Variants in GALNT17 observed in about 807,000 individuals in gnomAD.
GALNT17 encodes the protein polypeptide N-acetylgalactosaminyltransferase 17.
Under a neutral mutation model 63.7 loss-of-function variants are expected in GALNT17, and 29 were observed. The observed-to-expected ratio is 0.46, with a 90% CI of 0.34 to 0.62. The LOEUF (loss-of-function observed/expected upper bound fraction) is 0.62. GALNT17 is among the 20% of genes least tolerant of loss of function. The pLI, the probability that GALNT17 is intolerant of heterozygous loss-of-function variation, is 0.01. For synonymous variants in GALNT17, 305 were observed against 318.3 expected (o/e 0.96, Z 0.45); for missense variants, 603 against 799.6 (o/e 0.75, Z 2.97).
intron 5 of GALNT17, among the ~76,000 whole-genome samples, chr7:71,426,002 C>T (rs566748777): frequency 2.0e-5 from 3 of 152,198 alleles, no homozygotes; most frequent in Admixed American, 6.5e-5. Flanking sequence ...GAGAAGGTGC[C>T]ACACACTTGT....
intron 6 of GALNT17, among the ~76,000 whole-genome samples, chr7:71,644,083 T>C (rs1486653743): frequency 6.6e-6 from 1 of 152,068 alleles, no homozygotes; most frequent in Non-Finnish European, 1.5e-5. Context: ...CTAATATTTA[T>C]AAAAGAATAG....
intron 2 of GALNT17, among the ~76,000 whole-genome samples, chr7:71,341,161 G>A (rs2116125072): frequency 6.6e-6 from 1 of 152,266 alleles, no homozygotes; most frequent in East Asian, 1.9e-4. Context: ...TCCAGCTTGG[G>A]CAACATAGCA....
At chr7:71,211,856 A>G (rs1489342728) in intron 1 of GALNT17, among the ~76,000 whole-genome samples, 8 of 152,168 alleles carry the variant, frequency 5.3e-5, no homozygotes. Flanking sequence ...GGCGGAAGAA[A>G]TTTCTAAGCA....
At chr7:71,557,070 T>TG (rs1789176355) in intron 5 of GALNT17, among the ~76,000 whole-genome samples, 2 of 135,606 alleles carry the variant, frequency 1.5e-5, no homozygotes, top group African/African-American at 5.5e-5. Context: ...TTTTTTTTTT[T>TG]TGGGGAGAGA....
rs1212228242 is a variant in GALNT17, at chr7:71,415,936, G to A, written c.637G>A (p.Gly213Arg). 2.5e-6 allele frequency: 4 copies of A among 1,613,266 alleles called. No individual in the cohort carries two copies. Among genetic ancestry groups the A allele is most frequent in the Middle Eastern group, 1.6e-4 (1 of 6,082 alleles). ...LEEYVHKRYP[G>R]LVKVVRNQKR... ...GGAGTATGTCCACAAACGCTACCCC[G>A]GGCTGGTGAAGGTGGTAAGAAATCA... is the stretch of plus-strand genomic sequence containing the variant. Residue 213 changes from glycine to arginine, a missense_variant, in exon 4 of 11, where the codon GGG (glycine) becomes AGG (arginine). Gly to Arg is a moderately radical substitution (Grantham distance 125). Around this residue, in one of 3 missense-constraint regions of GALNT17, gnomAD observed 336 missense variants for 507.8 expected, o/e 0.66. Coordinates refer to ENST00000333538, the MANE Select transcript of GALNT17 (RefSeq NM_022479.3).
chr7:71,478,498 AG>A (rs1031787566), intron 5 of GALNT17, among the ~76,000 whole-genome samples: 57 of 152,110 alleles, frequency 3.7e-4, no homozygotes, highest in Non-Finnish European at 6.6e-4. Context: ...ATTTTTCTAT[AG>A]CAATGGGGTC....
chr7:71,236,012 C>G (rs918636620), intron 1 of GALNT17, among the ~76,000 whole-genome samples: 5 of 152,112 alleles, frequency 3.3e-5, no homozygotes, highest in African/African-American at 1.2e-4. Context: ...GAAACCCTGT[C>G]TCTGTTAAAA....
chr7:71,489,372 G>C (rs777861774), intron 5 of GALNT17, among the ~76,000 whole-genome samples: 1 of 152,204 alleles, frequency 6.6e-6, no homozygotes, highest in Non-Finnish European at 1.5e-5. Flanking sequence ...CCTGAGAGAA[G>C]ATCAGGAGAT....
Position 71,280,370 on chromosome 7 carries a change from C to T in GALNT17, c.239-55180C>T, listed in dbSNP as rs118095789. ...TGCTAAGGAGCTTCCTCTGTGGTCA[C>T]GTGGCTCATTTGTGGCATAGGGGAT... On this transcript the variant is annotated intron_variant, in intron 1 of 10. Coordinates refer to ENST00000333538, the MANE Select transcript of GALNT17 (RefSeq NM_022479.3). Among the ~76,000 whole-genome samples the T allele has an allele frequency of 6.6e-5, 10 of 152,266 alleles. No individual in the cohort carries two copies. The East Asian group carries it at 1.4e-3, about 21-fold the overall frequency.
intron 3 of GALNT17, among the ~76,000 whole-genome samples, chr7:71,392,971 T>C (rs909380546): frequency 6.6e-6 from 1 of 152,232 alleles, no homozygotes; most frequent in Non-Finnish European, 1.5e-5. Flanking sequence ...AATCATGGAA[T>C]TGAATTCCTG....
chr7:71,436,852 A>C (rs1786974309), intron 5 of GALNT17, among the ~76,000 whole-genome samples: 1 of 152,212 alleles, frequency 6.6e-6, no homozygotes, highest in African/African-American at 2.4e-5. Flanking sequence ...AGATGGTCTA[A>C]TGGAAGGCAT....
chr7:71,164,453 A>G (rs1046747484), intron 1 of GALNT17, among the ~76,000 whole-genome samples: 2 of 152,332 alleles, frequency 1.3e-5, no homozygotes, highest in South Asian at 4.1e-4. Flanking sequence ...ATCACCTCCC[A>G]CTAGGATCCT....
intron 5 of GALNT17, among the ~76,000 whole-genome samples, chr7:71,499,638 A>G (rs542214112): frequency 6.6e-6 from 1 of 152,262 alleles, no homozygotes; most frequent in Non-Finnish European, 1.5e-5. Context: ...TGCAAAGAAG[A>G]CTGTTTTCTC....
intron 1 of GALNT17, among the ~76,000 whole-genome samples, chr7:71,268,387 CAAA>C (rs35198398): frequency 7.6e-6 from 1 of 131,302 alleles, no homozygotes. Flanking sequence ...ACAAAAAATA[CAAA>C]AAAAAAAAAA....
intron 6 of GALNT17, among the ~76,000 whole-genome samples, chr7:71,597,998 G>A (rs1789913202): frequency 6.6e-6 from 1 of 151,502 alleles, no homozygotes; most frequent in African/African-American, 2.4e-5. Context: ...AGGCTGGAGT[G>A]CAGTGGCGCA....
intron 6 of GALNT17, 91 bp downstream of exon 6, chr7:71,571,493 C>G (rs753858293): frequency 1.4e-5 from 14 of 981,526 alleles, no homozygotes; most frequent in Non-Finnish European, 2.3e-5. Flanking sequence ...AAGCTCCTTA[C>G]AGCTGATGAA....
chr7:71,581,462 G>A (rs1439525624), intron 6 of GALNT17, among the ~76,000 whole-genome samples: 1 of 152,036 alleles, frequency 6.6e-6, no homozygotes, highest in African/African-American at 2.4e-5. Context: ...GCCCGGCCAC[G>A]TTTAAAGCAT....
chr7:71,317,016 C>T (rs1791512678), intron 1 of GALNT17, among the ~76,000 whole-genome samples: 1 of 152,166 alleles, frequency 6.6e-6, no homozygotes, highest in South Asian at 2.1e-4. Context: ...CATCCATCTC[C>T]CTTGAGTGAA....
At chr7:71,482,182 C>G (rs1192102635) in intron 5 of GALNT17, among the ~76,000 whole-genome samples, 1 of 147,780 alleles carries the variant, frequency 6.8e-6, no homozygotes, top group Non-Finnish European at 1.5e-5. Flanking sequence ...CGGAGTCTCG[C>G]TCTGTCACCC....
Sources: allele counts gnomAD v4.1 joint callset (sites outside exome capture counted in the v4.1 genomes callset), GRCh38; gene constraint gnomAD v4.1.1; regional missense constraint gnomAD v4.1.1; transcripts MANE v1.5; gene names NCBI Gene and HGNC (gene_info 2026-07-23, HGNC 2026-07-21).